The following VEPH1 variants were observed in gnomAD, a reference collection of about 807,000 sequenced individuals.
The protein encoded by VEPH1 is ventricular zone-expressed PH domain-containing protein homolog 1.
In VEPH1, 80 loss-of-function variants were observed where a neutral mutation model predicts 85.2. The observed-to-expected ratio is 0.94, with a 90% CI of 0.78 to 1.13. VEPH1 has a LOEUF of 1.13. VEPH1 is among the 50% of genes most tolerant of loss of function. The pLI is 0.00. For missense variants in VEPH1, 955 were observed against 980.5 expected (o/e 0.97, Z 0.35); for synonymous variants, 297 against 348.0 (o/e 0.85, Z 1.63).
intron 6 of VEPH1, chr3:157,409,535 A>C (rs1731384020): frequency 2.4e-6 from 2 of 839,906 alleles, no homozygotes; most frequent in Non-Finnish European, 2.9e-6. Context: ...TTTGGGCAAA[A>C]AGATTTCTGA....
intron 9 of VEPH1, among the ~76,000 whole-genome samples, chr3:157,347,814 A>G (rs1284501161): frequency 6.6e-6 from 1 of 152,148 alleles, no homozygotes; most frequent in Non-Finnish European, 1.5e-5. Context: ...GTCCTCTCAA[A>G]CCCTAAGCCC....
intron 11 of VEPH1, among the ~76,000 whole-genome samples, chr3:157,301,960 A>G (rs534629546): frequency 6.6e-6 from 1 of 152,264 alleles, no homozygotes; most frequent in South Asian, 2.1e-4. Context: ...AGGTGTTTGA[A>G]ACTTCAGATT....
chr3:157,460,434 T>G, intron 3 of VEPH1, 79 bp from the exon 4 acceptor site: 2 of 1,487,854 alleles, frequency 1.3e-6, no homozygotes, highest in Non-Finnish European at 9.0e-7. Context: ...TCAAAAAATA[T>G]TTATTGGATT....
Position 157,381,142 on chromosome 3 carries a change from A to T in VEPH1, c.1127+14T>A, listed in dbSNP as rs1560013280. 6.2e-7 allele frequency: 1 copy of T among 1,612,478 alleles called. No homozygotes were observed. Among genetic ancestry groups the T allele is most frequent in the Admixed American group, 1.7e-5 (1 of 60,002 alleles). ...CACAGCAGCTCCCTGAGGTACACAG[A>T]AGCTCTTGCTCACCTGCCACTTCCA... On this transcript the variant is annotated intron_variant, in intron 7 of 13. Transcript: ENST00000362010.
At chr3:157,347,351 G>T (rs1315876296) in intron 9 of VEPH1, among the ~76,000 whole-genome samples, 2 of 152,162 alleles carry the variant, frequency 1.3e-5, no homozygotes, top group Non-Finnish European at 2.9e-5. Flanking sequence ...CGTATTCAAG[G>T]TTATTTTTCA....
At position 157,460,274 on chromosome 3, in the gene VEPH1, T is replaced by C. The variant is rs1478741590; in HGVS notation, c.436A>G (p.Arg146Gly). 4 of 1,614,112 alleles carry C rather than the reference T, an allele frequency of 2.5e-6. No homozygotes were observed. Among genetic ancestry groups the C allele is most frequent in the African/African-American group, 1.3e-5 (1 of 74,950 alleles). The change falls in exon 4 of 14, where the codon AGG (arginine) becomes GGG (glycine). Residue 146 changes from arginine to glycine, a missense_variant. Physicochemically the swap from Arg to Gly is moderately radical, Grantham distance 125 (BLOSUM62 -2). Coordinates refer to ENST00000362010, the MANE Select transcript of VEPH1 (RefSeq NM_001167912.2). ...FLHRGNKELC[R>G]NMSNYLSLAA... is the part of the protein sequence containing the mutation. ...AGAGACAGGTAGTTAGACATATTCC[T>C]GCACAGTTCCTTGTTGCCTCTGTGG...
chr3:157,317,193 T>C lies in VEPH1; in HGVS notation c.1744A>G (p.Arg582Gly). ...PDQCTIEDTVRSCVAKLFFTC... is the reference protein window; with the variant it reads ...PDQCTIEDTVGSCVAKLFFTC... ...AAGAACAACTTTGCTACACAACTTC[T>C]CACAGTGTCTAGAAACAAATACATA... is the stretch of plus-strand genomic sequence containing the variant. Residue 582 changes from arginine to glycine, a missense_variant, in exon 10 of 14, where the codon AGA becomes GGA. Coordinates refer to ENST00000362010, the MANE Select transcript of VEPH1 (RefSeq NM_001167912.2). 1 of 1,611,380 alleles carries C rather than the reference T, an allele frequency of 6.2e-7. No homozygotes were observed. Among genetic ancestry groups the C allele is most frequent in the South Asian group, 1.1e-5 (1 of 90,484 alleles).
intron 13 of VEPH1, 69 bp from the exon 14 acceptor site, chr3:157,261,439 G>A: frequency 6.4e-7 from 1 of 1,574,248 alleles, no homozygotes; most frequent in Non-Finnish European, 8.6e-7. Flanking sequence ...GGCTACTGGA[G>A]AACTTTCTAA....
At chr3:157,389,628 CAGAT>C (rs3086054) in intron 6 of VEPH1, among the ~76,000 whole-genome samples, 30,937 of 143,778 alleles carry the variant, frequency 0.22, 3,360 homozygotes, top group East Asian at 0.25. Context: ...GATAGGTAAG[CAGAT>C]AGATAGATAG....
chr3:157,441,765 G>T (rs1007614331), intron 4 of VEPH1, among the ~76,000 whole-genome samples: 1 of 150,576 alleles, frequency 6.6e-6, no homozygotes, highest in African/African-American at 2.5e-5. Flanking sequence ...AGTCGAGATC[G>T]CACTACTGCA....
chr3:157,317,240 T>C, intron 9 of VEPH1, 39 bp from the exon 10 acceptor site: 2 of 1,549,224 alleles, frequency 1.3e-6, no homozygotes, highest in Non-Finnish European at 1.7e-6. Flanking sequence ...GTTATGGTCT[T>C]TCCAGAGTTA....
intron 12 of VEPH1, among the ~76,000 whole-genome samples, chr3:157,272,702 A>G (rs558737409): frequency 5.9e-5 from 9 of 152,162 alleles, no homozygotes; most frequent in East Asian, 5.8e-4. Context: ...GGCTCAAGCA[A>G]TCTGCCCACC....
At chr3:157,463,750 T>C (rs1736101331) in intron 3 of VEPH1, among the ~76,000 whole-genome samples, 1 of 152,130 alleles carries the variant, frequency 6.6e-6, no homozygotes, top group Non-Finnish European at 1.5e-5. Context: ...TCAACCCCAG[T>C]GAGAGGCTTT....
In VEPH1 at chr3:157,287,829, G is replaced by A. The variant is rs1047666437; in HGVS notation, c.2011-1155C>T. On this transcript the variant is annotated intron_variant, in intron 11 of 13. Transcript: ENST00000362010. The stretch of plus-strand genomic sequence containing the variant: ...ATCCACCTTCCTTGGCCTCCCAAAA[G>A]GCTGGGATTGCAGGCATGAGCCACC... 6.6e-5 allele frequency among the ~76,000 whole-genome samples: 10 copies of A among 152,164 alleles called. No homozygotes were observed. In the East Asian group the frequency reaches 1.9e-3, roughly 29 times the overall value.
At chr3:157,434,694 TG>T (rs1733417177) in intron 4 of VEPH1, among the ~76,000 whole-genome samples, 1 of 152,218 alleles carries the variant, frequency 6.6e-6, no homozygotes, top group African/African-American at 2.4e-5. Context: ...TGGTATATTT[TG>T]ATTTAATTTT....
chr3:157,355,570 C>T (rs1049703319), intron 9 of VEPH1, among the ~76,000 whole-genome samples: 7 of 152,238 alleles, frequency 4.6e-5, no homozygotes, highest in African/African-American at 1.7e-4. Context: ...GCTTAGAAAT[C>T]TCACTGGGGA....
intron 5 of VEPH1, among the ~76,000 whole-genome samples, chr3:157,420,523 C>T (rs1014801521): frequency 3.9e-5 from 6 of 152,128 alleles, no homozygotes; most frequent in Non-Finnish European, 7.4e-5. Flanking sequence ...TTACTAATTC[C>T]TACCATACTG....
chr3:157,339,687 ACTGCT>A (rs1293200196), intron 9 of VEPH1, among the ~76,000 whole-genome samples: 1 of 152,210 alleles, frequency 6.6e-6, no homozygotes, highest in Non-Finnish European at 1.5e-5. Flanking sequence ...AAAGGAATGC[ACTGCT>A]AATATAAATT....
intron 11 of VEPH1, among the ~76,000 whole-genome samples, chr3:157,293,426 C>T (rs1254251751): frequency 6.6e-6 from 1 of 152,162 alleles, no homozygotes; most frequent in African/African-American, 2.4e-5. Flanking sequence ...TACTTCTATC[C>T]TTTGAGTCCC....
Sources: allele counts gnomAD v4.1 joint callset (sites outside exome capture counted in the v4.1 genomes callset), GRCh38; gene constraint gnomAD v4.1.1; transcripts MANE v1.5; gene names NCBI Gene and HGNC (gene_info 2026-07-23, HGNC 2026-07-21).